PELI2: variants seen among roughly 807,000 people sequenced by gnomAD.
PELI2 encodes the protein pellino E3 ubiquitin protein ligase family member 2.
In PELI2, 23 loss-of-function variants were observed where a neutral mutation model predicts 42.3. The ratio of observed to expected loss-of-function variants is 0.54; its 90% CI spans 0.39 to 0.77. PELI2 has a LOEUF of 0.77. PELI2 is among the 30% of genes least tolerant of loss of function. PELI2 has a pLI of 0.00. For missense variants in PELI2, 463 were observed against 553.2 expected (o/e 0.84, Z 1.64); for synonymous variants, 245 against 212.2 (o/e 1.15, Z -1.34).
intron 2 of PELI2, among the ~76,000 whole-genome samples, chr14:56,254,522 T>C (rs1047122728): frequency 4.6e-5 from 7 of 150,932 alleles, no homozygotes; most frequent in African/African-American, 1.5e-4. Flanking sequence ...ACATAAGACC[T>C]AAAACCATAA....
intron 1 of PELI2, among the ~76,000 whole-genome samples, chr14:56,136,453 T>G (rs1057404803): frequency 1.3e-5 from 2 of 152,208 alleles, no homozygotes; most frequent in African/African-American, 4.8e-5. Context: ...AAAATGAGAT[T>G]AAATCAGGGT....
chr14:56,293,375 G>A (rs1889897036), intron 5 of PELI2, among the ~76,000 whole-genome samples: 1 of 152,126 alleles, frequency 6.6e-6, no homozygotes, highest in South Asian at 2.1e-4. Context: ...GCTAAATCAG[G>A]CCACCAGGTT....
intron 3 of PELI2, among the ~76,000 whole-genome samples, chr14:56,286,490 G>A (rs903685118): frequency 1.3e-5 from 2 of 152,160 alleles, no homozygotes; most frequent in African/African-American, 2.4e-5. Flanking sequence ...ATGCTGAATG[G>A]AGCAAAGTTA....
intron 2 of PELI2, among the ~76,000 whole-genome samples, chr14:56,233,250 C>A (rs1336669911): frequency 6.6e-6 from 1 of 152,200 alleles, no homozygotes; most frequent in Non-Finnish European, 1.5e-5. Context: ...TTGGAAAAAA[C>A]TACTTTAAAG....
At chr14:56,211,429 A>T (rs972781137) in intron 2 of PELI2, among the ~76,000 whole-genome samples, 2 of 152,060 alleles carry the variant, frequency 1.3e-5, no homozygotes, top group Admixed American at 1.3e-4. Context: ...CTCCCCCATC[A>T]TGTACTAGCT....
intron 3 of PELI2, among the ~76,000 whole-genome samples, chr14:56,282,279 T>C (rs1426626027): frequency 6.6e-6 from 1 of 152,048 alleles, no homozygotes; most frequent in African/African-American, 2.4e-5. Context: ...TCCAAACATA[T>C]TAAATGAGTT....
At chr14:56,149,620 C>T (rs570335414) in intron 1 of PELI2, among the ~76,000 whole-genome samples, 2 of 151,590 alleles carry the variant, frequency 1.3e-5, no homozygotes, top group South Asian at 2.1e-4. Flanking sequence ...TTTTTTAAAA[C>T]TACATCACAG....
intron 2 of PELI2, among the ~76,000 whole-genome samples, chr14:56,212,446 C>T (rs1471935245): frequency 6.6e-6 from 1 of 152,188 alleles, no homozygotes; most frequent in Non-Finnish European, 1.5e-5. Flanking sequence ...TCTTAGGCAT[C>T]CCCTCTTCTT....
chr14:56,201,816 A>G (rs887940489), intron 2 of PELI2, among the ~76,000 whole-genome samples: 3 of 152,234 alleles, frequency 2.0e-5, no homozygotes, highest in Admixed American at 2.0e-4. Context: ...TATCTACAAA[A>G]GCTGAATTCT....
At chr14:56,157,519 A>G in intron 1 of PELI2, among the ~76,000 whole-genome samples, 1 of 151,934 alleles carries the variant, frequency 6.6e-6, no homozygotes, top group African/African-American at 2.4e-5. Context: ...TTTATATTTC[A>G]CATAAAATCA....
At chr14:56,132,775 A>G (rs985320224) in intron 1 of PELI2, among the ~76,000 whole-genome samples, 10 of 152,184 alleles carry the variant, frequency 6.6e-5, no homozygotes, top group Non-Finnish European at 1.3e-4. Context: ...GTTGGTTACC[A>G]TAAATCACGC....
At chr14:56,131,728 A>G (rs907072993) in intron 1 of PELI2, among the ~76,000 whole-genome samples, 1 of 152,186 alleles carries the variant, frequency 6.6e-6, no homozygotes, top group Non-Finnish European at 1.5e-5. Flanking sequence ...TCACCTTAGT[A>G]ATTTGTTTCC....
intron 2 of PELI2, among the ~76,000 whole-genome samples, chr14:56,207,580 T>A (rs192772783): frequency 1.0e-3 from 153 of 152,318 alleles, no homozygotes; most frequent in Non-Finnish European, 1.8e-3. Context: ...AAATGAGACT[T>A]ACATAGTGTG....
chr14:56,291,472 G>A (rs910736306), intron 5 of PELI2, among the ~76,000 whole-genome samples: 1 of 151,870 alleles, frequency 6.6e-6, no homozygotes, highest in Non-Finnish European at 1.5e-5. Flanking sequence ...CAGCGTATGC[G>A]TCTTACAGTG....
chr14:56,247,413 G>A (rs1888202089), intron 2 of PELI2, among the ~76,000 whole-genome samples: 1 of 152,160 alleles, frequency 6.6e-6, no homozygotes, highest in Non-Finnish European at 1.5e-5. Context: ...TAGAAATAGT[G>A]GTGCAGGGGA....
At position 56,249,491 on chromosome 14, in the gene PELI2, A is replaced by C. The variant is rs115165810; in HGVS notation, c.208-30185A>C. On this transcript the variant is annotated intron_variant, in intron 2 of 5. Coordinates refer to ENST00000267460, the MANE Select transcript of PELI2 (RefSeq NM_021255.3). ...CAAAGACCACTTCCTCCTCCATTCA[A>C]CTCTTCCAAGGTGCAGTCAGTTTAA... Among the ~76,000 whole-genome samples, 953 of 151,842 alleles carry C rather than the reference A, an allele frequency of 6.3e-3. 7 individuals are homozygous for C. The highest frequency in any genetic ancestry group is 0.022 in the African/African-American group (904 of 41,382).
chr14:56,189,752 A>T (rs1566628062), intron 2 of PELI2, among the ~76,000 whole-genome samples: 1 of 152,254 alleles, frequency 6.6e-6, no homozygotes. Flanking sequence ...GCATTGATAG[A>T]TTAAAAATTA....
At chr14:56,257,448 G>T (rs1212170219) in intron 2 of PELI2, among the ~76,000 whole-genome samples, 2 of 152,104 alleles carry the variant, frequency 1.3e-5, no homozygotes, top group African/African-American at 4.8e-5. Flanking sequence ...GTTTAAAATT[G>T]TTTAAATTAT....
chr14:56,288,608 G>T lies in PELI2; in HGVS notation c.481G>T (p.Asp161Tyr), dbSNP rs1348806217. ...YTARIFAAGF[D>Y]SSKNIFLGEK... ...AGCACGGATATTCGCCGCCGGATTT[G>T]ACTCTTCCAAAAACATATTTCTTGG... Residue 161 changes from aspartate to tyrosine, a missense_variant, in exon 4 of 6, where the codon GAC (aspartate) becomes TAC (tyrosine). Transcript: ENST00000267460. This position sits in a 1 kb window ranked among gnomAD's most constrained non-coding sequence, Gnocchi z 4.6. 1.2e-6 allele frequency: 2 copies of T among 1,613,532 alleles called. No individual in the cohort carries two copies.
Sources: gnomAD v4.1 joint callset for allele counts (sites outside exome capture counted in the v4.1 genomes callset) on GRCh38, gnomAD v4.1.1 for gene constraint, Gnocchi (gnomAD v3.1) non-coding constraint, MANE v1.5 for transcripts, NCBI Gene and HGNC (gene_info 2026-07-23, HGNC 2026-07-21) for gene names.